Variants in HDAC3 observed in about 807,000 individuals in gnomAD.
HDAC3 encodes histone deacetylase 3.
Under a neutral mutation model 62.3 loss-of-function variants are expected in HDAC3, and 21 were observed. The observed-to-expected ratio is 0.34, with a 90% CI of 0.24 to 0.49. The LOEUF (loss-of-function observed/expected upper bound fraction) is 0.49. Among genes scored for constraint, HDAC3 ranks in the 20% least tolerant of loss-of-function variants. The pLI, the probability that HDAC3 is intolerant of heterozygous loss-of-function variation, is 0.99. For synonymous variants in HDAC3, 198 were observed against 206.5 expected, an observed-to-expected ratio of 0.96 and a Z score of 0.35; for missense variants, 270 against 556.9, an observed-to-expected ratio of 0.48 and a Z score of 5.19.
At position 141,629,637 on chromosome 5, in the gene HDAC3, C is replaced by T. The variant is rs375539455; in HGVS notation, c.476+47G>A. ...CAGGGTTGAGACTGAGAGACCTCCT[C>T]AGCCAAGAATCCCGTAACTGCCCCC... On this transcript the variant is annotated intron_variant, in intron 6 of 14. Coordinates refer to ENST00000305264, the MANE Select transcript of HDAC3 (RefSeq NM_003883.4). The surrounding 1 kb of genome is among the most constrained non-coding windows in gnomAD (Gnocchi z 5.3). 1 of 1,590,738 alleles carries T rather than the reference C, an allele frequency of 6.3e-7. No homozygotes were observed. The highest frequency in any genetic ancestry group is 1.3e-5 in the African/African-American group (1 of 74,612).
intron 10 of HDAC3, among the ~76,000 whole-genome samples, chr5:141,627,557 T>C (rs112653493): frequency 4.6e-5 from 7 of 152,348 alleles, no homozygotes; most frequent in African/African-American, 1.7e-4. Flanking sequence ...AGCTTTCTTT[T>C]TTTCTTTCAC....
At chr5:141,635,181 G>A (rs2099905777) in intron 2 of HDAC3, 2 of 458,346 alleles carry the variant, frequency 4.4e-6, no homozygotes, top group African/African-American at 2.0e-5. Flanking sequence ...TCAGCCTATC[G>A]TACCTTCTCA....
chr5:141,632,446 G>A (rs76686252), intron 3 of HDAC3, among the ~76,000 whole-genome samples: 9,886 of 152,110 alleles, frequency 0.065, 428 homozygotes, highest in South Asian at 0.12. Flanking sequence ...GATTCTCATC[G>A]GAAATACAGA....
Position 141,629,639 on chromosome 5 carries a change from G to A in HDAC3, c.476+45C>T, listed in dbSNP as rs747448822. 3.0e-5 allele frequency: 48 copies of A among 1,594,550 alleles called. No individual in the cohort carries two copies. Among genetic ancestry groups the A allele is most frequent in the Non-Finnish European group, 3.8e-5 (44 of 1,165,118 alleles). ...GGGTTGAGACTGAGAGACCTCCTCA[G>A]CCAAGAATCCCGTAACTGCCCCCAT... On this transcript the variant is annotated intron_variant, in intron 6 of 14. Coordinates refer to ENST00000305264, the MANE Select transcript of HDAC3 (RefSeq NM_003883.4). This position sits in a 1 kb window ranked among gnomAD's most constrained non-coding sequence, Gnocchi z 5.3.
chr5:141,628,493 A>G lies in HDAC3; in HGVS notation c.691+66T>C. On this transcript the variant is annotated intron_variant, in intron 8 of 14. Transcript: ENST00000305264. The surrounding 1 kb of genome is among the most constrained non-coding windows in gnomAD (Gnocchi z 4.7). ...GGCCCAACAGCAGACAATACCAGGC[A>G]GAAGAGGTTATTTCAAGGAGAAAAA... 7.8e-7 allele frequency: 1 copy of G among 1,289,576 alleles called. No homozygotes were observed. Among genetic ancestry groups the G allele is most frequent in the Non-Finnish European group, 1.1e-6 (1 of 885,014 alleles). The allele number at this position is 1,289,576 out of a possible 1,614,324, so 79.9% of individuals were successfully genotyped here.
Position 141,629,797 on chromosome 5 carries a change from C to T in HDAC3, c.421-58G>A. On this transcript the variant is annotated intron_variant, in intron 5 of 14. Coordinates refer to ENST00000305264, the MANE Select transcript of HDAC3 (RefSeq NM_003883.4). The surrounding 1 kb of genome is among the most constrained non-coding windows in gnomAD (Gnocchi z 5.3). ...AGCAATTCCCCTCCCAGCTGCCCCC[C>T]ACCATCATCCTAAACACCTACCCTA... is the stretch of plus-strand genomic sequence containing the variant. 1 of 1,611,736 alleles carries T rather than the reference C, an allele frequency of 6.2e-7. No individual in the cohort carries two copies. Among genetic ancestry groups the T allele is most frequent in the Non-Finnish European group, 8.5e-7 (1 of 1,177,846 alleles).
Position 141,628,261 on chromosome 5 carries a change from G to T in HDAC3, c.692-74C>A. The T allele has an allele frequency of 1.5e-6, 2 of 1,307,810 alleles. No homozygotes were observed. The highest frequency in any genetic ancestry group is 2.2e-6 in the Non-Finnish European group (2 of 905,838). 81.0% of individuals were successfully genotyped at this position (1,307,810 alleles called of 1,614,324 possible). A position where few individuals can be genotyped will look rare whatever the true frequency, so the allele number is the denominator to read the frequency against. On this transcript the variant is annotated intron_variant, in intron 8 of 14. Transcript: ENST00000305264. The surrounding 1 kb of genome is among the most constrained non-coding windows in gnomAD (Gnocchi z 4.7). ...GACAGGGAACAAAAGGAAAAAGGGGGTTGAGCGAGCATGTAGCCCAGGAAA... is the reference window on the plus strand; with the variant it reads ...GACAGGGAACAAAAGGAAAAAGGGGTTTGAGCGAGCATGTAGCCCAGGAAA...
At chr5:141,636,291 C>T (rs2099905992) in intron 2 of HDAC3, 1 of 537,818 alleles carries the variant, frequency 1.9e-6, no homozygotes, top group Non-Finnish European at 3.4e-6. Context: ...ACCAGCCCCA[C>T]ATCACGCTAA....
At chr5:141,633,500 C>CT (rs2154598022) in intron 3 of HDAC3, among the ~76,000 whole-genome samples, 1 of 152,018 alleles carries the variant, frequency 6.6e-6, no homozygotes, top group African/African-American at 2.4e-5. Flanking sequence ...TTAAAACAAT[C>CT]TAACATGAGG....
Position 141,626,393 on chromosome 5 carries a change from TTTATC to T in HDAC3, c.831-115_831-111del. 2 of 762,506 alleles carry T rather than the reference TTTATC, an allele frequency of 2.6e-6. No individual in the cohort carries two copies. Among genetic ancestry groups the T allele is most frequent in the South Asian group, 3.0e-5 (2 of 65,576 alleles). 47.2% of individuals were successfully genotyped at this position (762,506 alleles called of 1,614,324 possible). Reference sequence around the variant, plus strand: ...AAGAAAACTATAAATGTTCTAAATCTTTATCTTGATAGTGAAATTCATTATGTTAT... The same window carrying T: ...AAGAAAACTATAAATGTTCTAAATCTTTGATAGTGAAATTCATTATGTTAT... On this transcript the variant is annotated intron_variant, in intron 10 of 14. Transcript: ENST00000305264. This position sits in a 1 kb window ranked among gnomAD's most constrained non-coding sequence, Gnocchi z 4.6.
Position 141,621,525 on chromosome 5 carries a change from G to A in HDAC3, c.1230C>T (p.Pro410=), listed in dbSNP as rs745970790. The A allele has an allele frequency of 1.9e-6, 3 of 1,613,692 alleles. No individual in the cohort carries two copies. The Admixed American group carries it at 5.0e-5, about 27-fold the overall frequency. ...CATGGTCTCCATCATAGAACTCATTGGGTGCCTCTGGCCTGCAAAGCAAGG... is the reference window on the plus strand; with the variant it reads ...CATGGTCTCCATCATAGAACTCATTAGGTGCCTCTGGCCTGCAAAGCAAGG... ...PEENYSRPEA[P]NEFYDGDHDN... The change falls in exon 15 of 15, where the codon CCC becomes CCT. Residue 410 remains proline (P), a synonymous_variant. Coordinates refer to ENST00000305264, the MANE Select transcript of HDAC3 (RefSeq NM_003883.4).
At position 141,628,696 on chromosome 5, in the gene HDAC3, T is replaced by C. The variant is rs139891606; in HGVS notation, c.611-57A>G. The C allele has an allele frequency of 5.9e-4, 790 of 1,344,370 alleles. 12 individuals are homozygous for C. The East Asian group carries it at 0.018, about 31-fold the overall frequency. The allele number at this position is 1,344,370 out of a possible 1,614,324, so 83.3% of individuals were successfully genotyped here. The stretch of plus-strand genomic sequence containing the variant: ...TGGGAAGCACCCACAACCCAGCTGT[T>C]TCAGCCCCAATCTGCACTCTGGGAG... On this transcript the variant is annotated intron_variant, in intron 7 of 14. Transcript: ENST00000305264. The surrounding 1 kb of genome is among the most constrained non-coding windows in gnomAD (Gnocchi z 4.7).
chr5:141,633,706 A>ATCCC (rs200085850), intron 3 of HDAC3, among the ~76,000 whole-genome samples: 2,284 of 151,900 alleles, frequency 0.015, 58 homozygotes, highest in African/African-American at 0.053. Context: ...GGCGCCTGTA[A>ATCCC]TCCCAGCTAC....
At chr5:141,636,343 C>T in intron 2 of HDAC3, 2 of 602,780 alleles carry the variant, frequency 3.3e-6, no homozygotes, top group Non-Finnish European at 6.0e-6. Flanking sequence ...AGAGGGTGGC[C>T]GACCTGAGGT....
intron 14 of HDAC3, among the ~76,000 whole-genome samples, chr5:141,624,584 G>GCA (rs911473461): frequency 7.4e-5 from 11 of 148,034 alleles, no homozygotes; most frequent in Admixed American, 1.4e-4. Context: ...AAAAATTAAT[G>GCA]CACACAGCCT....
chr5:141,635,042 T>C, intron 2 of HDAC3, 89 bp from the exon 3 acceptor site: 1 of 1,330,010 alleles, frequency 7.5e-7, no homozygotes, highest in Non-Finnish European at 1.0e-6. Context: ...TCCTGGAGAC[T>C]ATATGAAGCC....
chr5:141,634,987 G>A, intron 2 of HDAC3, 34 bp from the exon 3 acceptor site: 1 of 1,608,536 alleles, frequency 6.2e-7, no homozygotes, highest in East Asian at 2.2e-5. Context: ...ACCCAGGCAG[G>A]GTCAGCCCCA....
At chr5:141,623,820 G>GA (rs2099904023) in intron 14 of HDAC3, among the ~76,000 whole-genome samples, 2 of 152,220 alleles carry the variant, frequency 1.3e-5, no homozygotes, top group South Asian at 4.1e-4. Context: ...GTGGGAGCAA[G>GA]ACAGCGTGTC....
chr5:141,629,105 C>A lies in HDAC3; in HGVS notation c.610+68G>T, dbSNP rs1392081288. ...GGACACCTGAGATGAGACTAGAAGG[C>A]TGAGAAGGAGGCACTCATAGTAAAG... On this transcript the variant is annotated intron_variant, in intron 7 of 14. Coordinates refer to ENST00000305264, the MANE Select transcript of HDAC3 (RefSeq NM_003883.4). The surrounding 1 kb of genome is among the most constrained non-coding windows in gnomAD (Gnocchi z 5.3). 7 of 1,538,090 alleles carry A rather than the reference C, an allele frequency of 4.6e-6. No homozygotes were observed. The East Asian group carries it at 6.9e-5, about 15-fold the overall frequency.
Sources: allele counts gnomAD v4.1 joint callset (sites outside exome capture counted in the v4.1 genomes callset), GRCh38; gene constraint gnomAD v4.1.1; non-coding constraint Gnocchi (gnomAD v3.1); transcripts MANE v1.5; gene names NCBI Gene and HGNC (gene_info 2026-07-23, HGNC 2026-07-21).